SEPTIN10: variants seen among roughly 807,000 people sequenced by gnomAD.
The protein encoded by SEPTIN10 is septin 10, also known as septin-10.
In SEPTIN10, 66 loss-of-function variants were observed where a neutral mutation model predicts 54.8. That is an observed-to-expected ratio of 1.21 (90% CI 0.99 to 1.48). The LOEUF is 1.48. SEPTIN10 is among the 40% of genes most tolerant of loss of function. SEPTIN10 has a pLI of 0.00. For missense variants in SEPTIN10, 620 were observed against 545.6 expected (o/e 1.14, Z -1.36); for synonymous variants, 161 against 181.0 (o/e 0.89, Z 0.89).
intron 1 of SEPTIN10, among the ~76,000 whole-genome samples, chr2:109,593,695 C>T (rs1694628309): frequency 6.6e-6 from 1 of 152,052 alleles, no homozygotes; most frequent in Non-Finnish European, 1.5e-5. Flanking sequence ...TGAGCCACCA[C>T]GCCTGGCCTT....
intron 4 of SEPTIN10, among the ~76,000 whole-genome samples, chr2:109,583,917 ATAAG>A (rs1558822307): frequency 6.6e-6 from 1 of 152,208 alleles, no homozygotes; most frequent in East Asian, 1.9e-4. Flanking sequence ...GTTCTCACTT[ATAAG>A]TAAGTGGGAT....
chr2:109,564,397 T>C lies in SEPTIN10; in HGVS notation c.997A>G (p.Thr333Ala), dbSNP rs1457550490. 1.1e-5 allele frequency: 18 copies of C among 1,589,396 alleles called. No individual in the cohort carries two copies. The highest frequency in any genetic ancestry group is 8.6e-6 in the Non-Finnish European group (10 of 1,165,174). The change falls in exon 8 of 11, where the codon ACA (threonine) becomes GCA (alanine). Residue 333 changes from threonine (T) to alanine (A), a missense_variant. By Grantham distance (58) the Thr-to-Ala change is moderately conservative (BLOSUM62 0). Transcript: ENST00000397712. ...RRCKLEEMGF[T>A]DVGPENKPVS... is the part of the protein sequence containing the mutation. ...GGCTTGTTTTCTGGGCCCACATCTG[T>C]AAAGCCCATTTCCTCCAGTTTGCAG...
At chr2:109,564,198 A>G in intron 8 of SEPTIN10, 168 bp downstream of exon 8, 1 of 532,580 alleles carries the variant, frequency 1.9e-6, no homozygotes, top group Non-Finnish European at 2.9e-6. Context: ...CAAAAGCAAG[A>G]AGGAGTCAAG....
intron 4 of SEPTIN10, among the ~76,000 whole-genome samples, chr2:109,582,773 A>G (rs1228137852): frequency 1.3e-5 from 2 of 152,246 alleles, no homozygotes; most frequent in African/African-American, 4.8e-5. Context: ...CCTGACTTCA[A>G]ACTATACTAT....
chr2:109,574,682 A>G lies in SEPTIN10; in HGVS notation c.499T>C (p.Tyr167His). 1 of 1,610,266 alleles carries G rather than the reference A, an allele frequency of 6.2e-7. No homozygotes were observed. The highest frequency in any genetic ancestry group is 1.3e-5 in the African/African-American group (1 of 74,862). The change falls in exon 5 of 11, where the codon TAC (tyrosine) becomes CAC (histidine). Residue 167 changes from tyrosine (Y) to histidine (H), a missense_variant. Tyr to His is a moderately conservative substitution (Grantham distance 83, BLOSUM62 2). Transcript: ENST00000397712. Reference protein sequence around the residue: ...ELKIKRSLFTYHDSRIHVCLY... With the variant: ...ELKIKRSLFTHHDSRIHVCLY... ...CACACATGGATGCGAGAATCATGGT[A>G]GGTAAAGAGAGAACGCTTAATCTTC...
chr2:109,563,656 G>C (rs887858871), intron 8 of SEPTIN10, among the ~76,000 whole-genome samples: 1 of 152,136 alleles, frequency 6.6e-6, no homozygotes, highest in African/African-American at 2.4e-5. Context: ...GCAAGGAAGG[G>C]TTCAGATTCT....
rs544741077 is a variant in SEPTIN10 at position 109,563,977 on chromosome 2, C to A, written c.1028+389G>T. Among the ~76,000 whole-genome samples the A allele has an allele frequency of 3.9e-5, 6 of 152,188 alleles. 1 individual carries two copies. The highest frequency in any genetic ancestry group is 1.4e-4 in the African/African-American group (6 of 41,534). ...CTCTACAAAAAATAAATAAATAAAA[C>A]TAAGAAAATGATTTGTGTTCCAACT... On this transcript the variant is annotated intron_variant, in intron 8 of 10. Coordinates refer to ENST00000397712, the MANE Select transcript of SEPTIN10 (RefSeq NM_144710.5).
chr2:109,551,899 T>C (rs1197297630), intron 9 of SEPTIN10, among the ~76,000 whole-genome samples: 5 of 152,202 alleles, frequency 3.3e-5, no homozygotes, highest in Admixed American at 6.5e-5. Context: ...AGTGATTTTT[T>C]TGGTGCCAGG....
At chr2:109,592,466 A>G (rs1464989645) in intron 2 of SEPTIN10, among the ~76,000 whole-genome samples, 1 of 150,392 alleles carries the variant, frequency 6.6e-6, no homozygotes, top group Non-Finnish European at 1.5e-5. Flanking sequence ...CTCTGTCTCA[A>G]AAAACAAAAA....
At chr2:109,599,516 C>T (rs943523304) in intron 1 of SEPTIN10, among the ~76,000 whole-genome samples, 1 of 151,120 alleles carries the variant, frequency 6.6e-6, no homozygotes, top group African/African-American at 2.4e-5. Flanking sequence ...CAAGATAAGG[C>T]AGCAGCAAGT....
At chr2:109,552,826 G>C in intron 9 of SEPTIN10, 1 of 374,774 alleles carries the variant, frequency 2.7e-6, no homozygotes, top group Non-Finnish European at 4.8e-6. Flanking sequence ...GGTAGCTGCT[G>C]CAGCTTCCAG....
intron 8 of SEPTIN10, among the ~76,000 whole-genome samples, chr2:109,562,423 A>G (rs1685906850): frequency 6.7e-6 from 1 of 150,362 alleles, no homozygotes. Flanking sequence ...CCACCCCTCA[A>G]CAGAGACTCT....
intron 10 of SEPTIN10, chr2:109,545,714 T>A (rs1408999195): frequency 1.4e-6 from 2 of 1,453,162 alleles, no homozygotes; most frequent in African/African-American, 2.8e-5. Flanking sequence ...TCAGCAGCCA[T>A]TAGCTGTGTA....
At chr2:109,548,099 T>C (rs955648214) in intron 9 of SEPTIN10, among the ~76,000 whole-genome samples, 14 of 151,916 alleles carry the variant, frequency 9.2e-5, no homozygotes, top group African/African-American at 2.9e-4. Flanking sequence ...ATGAAAGTTA[T>C]GTGAAGTTCT....
At chr2:109,561,898 T>C (rs1573483250) in intron 8 of SEPTIN10, among the ~76,000 whole-genome samples, 2 of 152,216 alleles carry the variant, frequency 1.3e-5, no homozygotes, top group East Asian at 1.9e-4. Flanking sequence ...TGTAATCCCA[T>C]CACTTCAGGA....
At chr2:109,596,124 T>C (rs575279871) in intron 1 of SEPTIN10, among the ~76,000 whole-genome samples, 8 of 152,280 alleles carry the variant, frequency 5.3e-5, no homozygotes, top group South Asian at 2.1e-4. Flanking sequence ...CTCAACCTCC[T>C]GGGCTCAGGC....
chr2:109,574,526 AAC>A, intron 5 of SEPTIN10, 53 bp downstream of exon 5: 3 of 1,093,978 alleles, frequency 2.7e-6, no homozygotes, highest in Non-Finnish European at 3.7e-6. Context: ...AAAATATTTT[AAC>A]AGTTAAAAAT....
At position 109,585,284 on chromosome 2, in the gene SEPTIN10, T is replaced by C; in HGVS notation, c.255A>G (p.Thr85=). Residue 85 remains threonine, a synonymous_variant, in exon 4 of 11, where the codon ACA becomes ACG. Transcript: ENST00000397712. ...TGIGKSTLID[T]LFNTNFEDYE... ...AGTCTTCAAAATTAGTATTAAACAA[T>C]GTGTCAATCAGTGTTGATTTTCCAA... 2 of 1,610,060 alleles carry C rather than the reference T, an allele frequency of 1.2e-6. No homozygotes were observed. Among genetic ancestry groups the C allele is most frequent in the African/African-American group, 1.3e-5 (1 of 74,906 alleles).
intron 2 of SEPTIN10, among the ~76,000 whole-genome samples, chr2:109,588,532 C>T (rs113457934): frequency 1.1e-3 from 169 of 152,142 alleles, no homozygotes; most frequent in Non-Finnish European, 1.8e-3. Context: ...TTTGCTCTTT[C>T]GCCCAGGCTG....
Sources: gnomAD v4.1 joint callset for allele counts (sites outside exome capture counted in the v4.1 genomes callset) on GRCh38, gnomAD v4.1.1 for gene constraint, MANE v1.5 for transcripts, NCBI Gene and HGNC (gene_info 2026-07-23, HGNC 2026-07-21) for gene names.